LNX1: variants seen among roughly 807,000 people sequenced by gnomAD.
LNX1 encodes the protein E3 ubiquitin-protein ligase LNX.
A neutral mutation model predicts 68.4 loss-of-function variants in LNX1; 54 were observed. The ratio of observed to expected loss-of-function variants is 0.79; its 90% CI spans 0.63 to 0.99. LNX1 has a LOEUF of 0.99. Among genes scored for constraint, LNX1 ranks in the 50% least tolerant of loss-of-function variants. The probability of loss-of-function intolerance (pLI) is 0.00; values close to 1 mark genes in which losing one functional copy is unlikely to be tolerated. For missense variants in LNX1, 906 were observed against 926.4 expected (o/e 0.98, Z 0.29); for synonymous variants, 336 against 350.0 (o/e 0.96, Z 0.45).
chr4:53,461,222 G>GTGT (rs893123225), intron 10 of LNX1, among the ~76,000 whole-genome samples, 180 bp from the exon 11 acceptor site: 9 of 152,050 alleles, frequency 5.9e-5, no homozygotes, highest in African/African-American at 2.2e-4. Context: ...CATTCAGCTT[G>GTGT]TGTTAGAAGG....
intron 2 of LNX1, among the ~76,000 whole-genome samples, chr4:53,598,239 T>C (rs934735371): frequency 2.6e-5 from 4 of 152,002 alleles, no homozygotes; most frequent in Admixed American, 1.3e-4. Flanking sequence ...ACTGTGATTT[T>C]TTTTTTTTTT....
At chr4:53,652,107 G>T (rs1044251492) in intron 1 of LNX1, 1 of 152,104 alleles carries the variant, frequency 6.6e-6, no homozygotes, top group Non-Finnish European at 1.5e-5. Context: ...AGTGGGCAGA[G>T]GTGAAGTTTT....
chr4:53,528,313 GA>G (rs1230018091), intron 2 of LNX1, among the ~76,000 whole-genome samples: 1 of 152,182 alleles, frequency 6.6e-6, no homozygotes, highest in Non-Finnish European at 1.5e-5. Context: ...CTATTAAGTA[GA>G]AAATTCCAGA....
In LNX1 at chr4:53,475,266, T is replaced by C. The variant is rs775595347; in HGVS notation, c.1892+1487A>G. ...AACACAAAAAACAAAATAATTTTAA[T>C]AGATCCTAGTTTCAGAAAGATTTTT... On this transcript the variant is annotated intron_variant, in intron 9 of 10. Transcript: ENST00000263925. Among the ~76,000 whole-genome samples, 48 of 152,360 alleles carry C rather than the reference T, an allele frequency of 3.2e-4. 1 individual carries two copies. Among genetic ancestry groups the C allele is most frequent in the Non-Finnish European group, 5.9e-4 (40 of 68,034 alleles).
intron 1 of LNX1, among the ~76,000 whole-genome samples, chr4:53,640,959 G>A (rs565131656): frequency 9.2e-5 from 14 of 152,316 alleles, no homozygotes; most frequent in Middle Eastern, 3.4e-3. Context: ...ATCCCTGGCC[G>A]GGGCTGAGGC....
intron 1 of LNX1, among the ~76,000 whole-genome samples, chr4:53,642,041 T>C (rs544010701): frequency 6.6e-6 from 1 of 151,980 alleles, no homozygotes; most frequent in Admixed American, 6.6e-5. Context: ...GGCAACATAG[T>C]GGAGAACTCA....
intron 2 of LNX1, among the ~76,000 whole-genome samples, chr4:53,561,218 C>G (rs1238415066): frequency 6.6e-6 from 1 of 151,892 alleles, no homozygotes; most frequent in Non-Finnish European, 1.5e-5. Context: ...AGGTAATAGT[C>G]CCCTGTATTT....
intron 2 of LNX1, among the ~76,000 whole-genome samples, chr4:53,519,869 T>C (rs2109569207): frequency 6.6e-6 from 1 of 152,356 alleles, no homozygotes; most frequent in South Asian, 2.1e-4. Flanking sequence ...TGACCAACCA[T>C]CTCAGATTGC....
intron 6 of LNX1, among the ~76,000 whole-genome samples, chr4:53,485,447 C>A (rs1724223858): frequency 6.6e-6 from 1 of 152,226 alleles, no homozygotes. Context: ...CCTGCAAGAA[C>A]TATTTAATTC....
chr4:53,573,302 C>A (rs1458759864), intron 2 of LNX1, among the ~76,000 whole-genome samples: 9 of 152,098 alleles, frequency 5.9e-5, no homozygotes, highest in Non-Finnish European at 1.2e-4. Context: ...TGAAAAATTT[C>A]TAGAGATGGA....
At chr4:53,559,250 T>C (rs1466826313) in intron 2 of LNX1, among the ~76,000 whole-genome samples, 1 of 152,218 alleles carries the variant, frequency 6.6e-6, no homozygotes, top group Non-Finnish European at 1.5e-5. Context: ...TCTTAGAATG[T>C]GCAGATTTAA....
At chr4:53,635,579 CTG>C (rs1734440788) in intron 1 of LNX1, among the ~76,000 whole-genome samples, 1 of 152,026 alleles carries the variant, frequency 6.6e-6, no homozygotes, top group African/African-American at 2.4e-5. Flanking sequence ...GTTATTAGCT[CTG>C]TTTTATGCTT....
At position 53,498,786 on chromosome 4, in the gene LNX1, T is replaced by C. The variant is rs749983896; in HGVS notation, c.833A>G (p.Asn278Ser). ...PDGEITSIKI[N>S]RVDPSESLSI... ...GAGGCTTTCACTGGGATCTACTCGA[T>C]TGATCTTGATGCTGGTAATTTCACC... Residue 278 changes from asparagine to serine, a missense_variant, in exon 5 of 11, where the codon AAT becomes AGT. Transcript: ENST00000263925. 8.7e-6 allele frequency: 14 copies of C among 1,614,138 alleles called. No homozygotes were observed. The highest frequency in any genetic ancestry group is 1.7e-4 in the Middle Eastern group (1 of 6,044).
chr4:53,467,352 A>G (rs1321563142), intron 9 of LNX1, among the ~76,000 whole-genome samples: 1 of 152,200 alleles, frequency 6.6e-6, no homozygotes, highest in Admixed American at 6.5e-5. Flanking sequence ...CGTCACCATC[A>G]TCAAAGACCA....
intron 2 of LNX1, among the ~76,000 whole-genome samples, chr4:53,518,136 A>G (rs1206965056): frequency 2.6e-5 from 4 of 152,212 alleles, no homozygotes; most frequent in Admixed American, 2.0e-4. Context: ...GGCACCTGGA[A>G]TCTGTCTTGG....
chr4:53,496,575 G>T (rs1725079728), intron 5 of LNX1, 181 bp from the exon 6 acceptor site: 2 of 680,998 alleles, frequency 2.9e-6, no homozygotes, highest in Admixed American at 6.0e-5. Flanking sequence ...TCCAAGCGTG[G>T]CCTGCAGCAC....
rs1465376819 is a variant in LNX1, at chr4:53,477,060, G to A, written c.1664-79C>T. The A allele has an allele frequency of 9.0e-6, 11 of 1,226,560 alleles. No homozygotes were observed. In the Admixed American group the frequency reaches 1.4e-4, roughly 15 times the overall value. 76.0% of individuals were successfully genotyped at this position (1,226,560 alleles called of 1,614,324 possible). A position where few individuals can be genotyped will look rare whatever the true frequency, so the allele number is the denominator to read the frequency against. On this transcript the variant is annotated intron_variant, in intron 8 of 10. Coordinates refer to ENST00000263925, the MANE Select transcript of LNX1 (RefSeq NM_001126328.3). ...CTGCTTAAAGTGCAAGGGGATAGGGGCTGACTGGGATTGCAGGGATGCAGA... is the reference window on the plus strand; with the variant it reads ...CTGCTTAAAGTGCAAGGGGATAGGGACTGACTGGGATTGCAGGGATGCAGA...
At chr4:53,481,227 A>G (rs1340977285) in intron 7 of LNX1, among the ~76,000 whole-genome samples, 4 of 152,214 alleles carry the variant, frequency 2.6e-5, no homozygotes, top group Non-Finnish European at 5.9e-5. Flanking sequence ...GGTTTGCCCC[A>G]ATCCCCACCA....
upstream of LNX1, chr4:53,617,550 G>T (rs1268057806): frequency 6.6e-6 from 1 of 152,150 alleles, no homozygotes; most frequent in African/African-American, 2.4e-5. Flanking sequence ...TCATGACATG[G>T]ATACTACACC....
Sources: allele counts gnomAD v4.1 joint callset (sites outside exome capture counted in the v4.1 genomes callset), GRCh38; gene constraint gnomAD v4.1.1; transcripts MANE v1.5; gene names NCBI Gene and HGNC (gene_info 2026-07-23, HGNC 2026-07-21).